Variants in CASKIN1 observed in about 807,000 individuals in gnomAD.
CASKIN1 encodes the protein CASK interacting protein 1, also known as caskin-1.
Under a neutral mutation model 117.5 loss-of-function variants are expected in CASKIN1, and 42 were observed. The ratio of observed to expected loss-of-function variants is 0.36; its 90% confidence interval spans 0.28 to 0.46. The LOEUF is 0.46. Ranked by LOEUF, CASKIN1 falls within the 20% of genes least tolerant of loss-of-function variation. The pLI, the probability that CASKIN1 is intolerant of heterozygous loss-of-function variation, is 1.00. For synonymous variants in CASKIN1, 1,148 were observed against 961.7 expected (o/e 1.19, Z -3.59); for missense variants, 2,083 against 2,077.3 (o/e 1.00, Z -0.05).
At chr16:2,188,640 C>T (rs1596692222) in intron 6 of CASKIN1, among the ~76,000 whole-genome samples, 1 of 152,182 alleles carries the variant, frequency 6.6e-6, no homozygotes. Context: ...TGTGAGCCGC[C>T]GGGGCACCCA....
chr16:2,196,460 C>A lies in CASKIN1; in HGVS notation c.-28G>T. ...CGCGGCCGGGGCCGCAGCGACGCGGCTGCGCTCGTGAGCTCGGCGCGGCTC... is the reference window on the plus strand; with the variant it reads ...CGCGGCCGGGGCCGCAGCGACGCGGATGCGCTCGTGAGCTCGGCGCGGCTC... On this transcript the variant is annotated 5_prime_UTR_variant, in exon 1 of 20. Transcript: ENST00000343516. This position sits in a 1 kb window ranked among gnomAD's most constrained non-coding sequence, Gnocchi z 5.7. 1.7e-6 allele frequency: 2 copies of A among 1,167,666 alleles called. No homozygotes were observed. The highest frequency in any genetic ancestry group is 5.3e-5 in the East Asian group (1 of 18,920). 72.3% of individuals were successfully genotyped at this position (1,167,666 alleles called of 1,614,324 possible). A position where few individuals can be genotyped will look rare whatever the true frequency, so the allele number is the denominator to read the frequency against.
Position 2,178,450 on chromosome 16 carries a change from G to C in CASKIN1, c.*100C>G. 1.1e-6 allele frequency: 1 copy of C among 937,608 alleles called. No individual in the cohort carries two copies. The highest frequency in any genetic ancestry group is 1.8e-5 in the African/African-American group (1 of 56,716). 58.1% of individuals were successfully genotyped at this position (937,608 alleles called of 1,614,324 possible). Reference sequence around the variant, plus strand: ...CGGAGTTGTGCTTCTGCAGGGCCCTGCCCGGCCGCTCGCGCCGCGCCCAGA... The same window carrying C: ...CGGAGTTGTGCTTCTGCAGGGCCCTCCCCGGCCGCTCGCGCCGCGCCCAGA... On this transcript the variant is annotated 3_prime_UTR_variant, in exon 20 of 20. Transcript: ENST00000343516.
intron 1 of CASKIN1, among the ~76,000 whole-genome samples, chr16:2,195,152 A>G (rs1025967978): frequency 1.6e-4 from 24 of 152,176 alleles, no homozygotes; most frequent in African/African-American, 5.8e-4. Flanking sequence ...ACCTGAAATC[A>G]GCTCGGGGCC....
intron 1 of CASKIN1, among the ~76,000 whole-genome samples, chr16:2,192,218 G>A (rs1263288858): frequency 3.9e-5 from 6 of 152,054 alleles, no homozygotes; most frequent in African/African-American, 1.5e-4. Context: ...AGGATCGCTT[G>A]AGCCCAGGAG....
chr16:2,180,767 AGG>A lies in CASKIN1; in HGVS notation c.2599_2600del (p.Pro867Ter). The A allele has an allele frequency of 7.0e-7, 1 of 1,433,554 alleles. No homozygotes were observed. The highest frequency in any genetic ancestry group is 9.1e-7 in the Non-Finnish European group (1 of 1,101,760). 88.8% of individuals were successfully genotyped at this position (1,433,554 alleles called of 1,614,324 possible). On this transcript the variant is annotated frameshift_variant, in exon 18 of 20. Transcript: ENST00000343516. LOFTEE classifies it high-confidence loss of function. ...GCCGCCCCGGCTCCGCGTCGGCCTC[AGG>A]GGGCAGGCACAGTGTGGGCACAGCC... ...PTAVPTLCLP[P>X]EADAEPGRPK... is the part of the protein sequence containing the mutation.
Position 2,181,554 on chromosome 16 carries a change from A to C in CASKIN1, c.1814T>G (p.Leu605Arg), listed in dbSNP as rs2093168182. ...LMLAVRKLAELQKAEYAKYEG... is the reference protein window; with the variant it reads ...LMLAVRKLAERQKAEYAKYEG... ...ATACTTGGCGTATTCAGCCTTCTGCAGCTCTGCCAGCTTCCTCACAGCGAG... is the reference window on the plus strand; with the variant it reads ...ATACTTGGCGTATTCAGCCTTCTGCCGCTCTGCCAGCTTCCTCACAGCGAG... Residue 605 changes from leucine (L) to arginine (R), a missense_variant, in exon 18 of 20, where the codon CTG becomes CGG. This residue lies in a region of CASKIN1 where 1,818 missense variants were observed against 1,688.9 expected (regional missense o/e 1.08). Coordinates refer to ENST00000343516, the MANE Select transcript of CASKIN1 (RefSeq NM_020764.4). The C allele has an allele frequency of 6.3e-7, 1 of 1,585,982 alleles. No individual in the cohort carries two copies. The highest frequency in any genetic ancestry group is 1.1e-5 in the South Asian group (1 of 88,090).
chr16:2,192,115 G>C (rs960149217), intron 1 of CASKIN1, among the ~76,000 whole-genome samples: 1 of 152,026 alleles, frequency 6.6e-6, no homozygotes, highest in Non-Finnish European at 1.5e-5. Flanking sequence ...AACATAGCAA[G>C]ACCTTGTCTC....
chr16:2,180,136 G>A lies in CASKIN1; in HGVS notation c.3232C>T (p.Arg1078Cys), dbSNP rs750361552. ...GPVTGLLATARRGPGESADPG... is the reference protein window; with the variant it reads ...GPVTGLLATACRGPGESADPG... Reference sequence around the variant, plus strand: ...TCTGCCGACTCCCCAGGCCCCCGGCGGGCAGTGGCCAGAAGTCCGGTGACT... The same window carrying A: ...TCTGCCGACTCCCCAGGCCCCCGGCAGGCAGTGGCCAGAAGTCCGGTGACT... The change falls in exon 18 of 20, where the codon CGC becomes TGC. Residue 1078 changes from arginine (R) to cysteine (C), a missense_variant. Around this residue, in one of 3 missense-constraint regions of CASKIN1, gnomAD observed 1,818 missense variants for 1,688.9 expected, o/e 1.08. Coordinates refer to ENST00000343516, the MANE Select transcript of CASKIN1 (RefSeq NM_020764.4). 28 of 1,555,016 alleles carry A rather than the reference G, an allele frequency of 1.8e-5. No homozygotes were observed. The East Asian group carries it at 3.2e-4, about 18-fold the overall frequency.
chr16:2,181,004 G>C lies in CASKIN1; in HGVS notation c.2364C>G (p.Pro788=). The change falls in exon 18 of 20, where the codon CCC becomes CCG. Residue 788 remains proline, a synonymous_variant. Coordinates refer to ENST00000343516, the MANE Select transcript of CASKIN1 (RefSeq NM_020764.4). ...QTPTKTRPGS[P]QALGGPHGPA... Reference sequence around the variant, plus strand: ...GACCATGAGGTCCCCCAAGGGCCTGGGGAGAGCCTGGTCGGGTTTTGGTGG... The same window carrying C: ...GACCATGAGGTCCCCCAAGGGCCTGCGGAGAGCCTGGTCGGGTTTTGGTGG... The C allele has an allele frequency of 1.3e-6, 2 of 1,486,168 alleles. No homozygotes were observed. The highest frequency in any genetic ancestry group is 1.8e-6 in the Non-Finnish European group (2 of 1,122,712). The allele number at this position is 1,486,168 out of a possible 1,614,324, so 92.1% of individuals were successfully genotyped here.
chr16:2,195,506 C>A (rs935285327), intron 1 of CASKIN1, among the ~76,000 whole-genome samples: 10 of 152,250 alleles, frequency 6.6e-5, no homozygotes, highest in Admixed American at 5.9e-4. Flanking sequence ...CCCATCCATC[C>A]ATCTCCGGCG....
In CASKIN1 at chr16:2,196,240, C is replaced by G. The variant is rs2093215621; in HGVS notation, c.94+99G>C. 1 of 363,510 alleles carries G rather than the reference C, an allele frequency of 2.8e-6. No homozygotes were observed. Among genetic ancestry groups the G allele is most frequent in the Non-Finnish European group, 4.3e-6 (1 of 233,314 alleles). 22.5% of individuals were successfully genotyped at this position (363,510 alleles called of 1,614,324 possible). ...CTGGCCCCGCCCCGCCCCCGGGGACCCGACAACGTCCCCTCCCCGCCCGGC... is the reference window on the plus strand; with the variant it reads ...CTGGCCCCGCCCCGCCCCCGGGGACGCGACAACGTCCCCTCCCCGCCCGGC... On this transcript the variant is annotated intron_variant, in intron 1 of 19. Transcript: ENST00000343516. This position sits in a 1 kb window ranked among gnomAD's most constrained non-coding sequence, Gnocchi z 5.7.
In CASKIN1 at chr16:2,181,109, C is replaced by T; in HGVS notation, c.2259G>A (p.Arg753=). 6.8e-7 allele frequency: 1 copy of T among 1,480,244 alleles called. No homozygotes were observed. The allele number at this position is 1,480,244 out of a possible 1,614,324, so 91.7% of individuals were successfully genotyped here. ...RPGRHGHSIK[R]ASVPPVPGKP... The stretch of plus-strand genomic sequence containing the variant: ...TGCCAGGCACGGGGGGCACGCTGGC[C>T]CTCTTGATGCTGTGGCCGTGGCGGC... Residue 753 remains arginine (R), a synonymous_variant, in exon 18 of 20, where the codon AGG becomes AGA. Transcript: ENST00000343516.
In CASKIN1 at chr16:2,184,958, G is replaced by A; in HGVS notation, c.1317C>T (p.Gly439=). 1.9e-6 allele frequency: 3 copies of A among 1,603,074 alleles called. No homozygotes were observed. The highest frequency in any genetic ancestry group is 2.6e-6 in the Non-Finnish European group (3 of 1,172,028). Residue 439 remains glycine, a synonymous_variant, in exon 13 of 20, where the codon GGC becomes GGT. Coordinates refer to ENST00000343516, the MANE Select transcript of CASKIN1 (RefSeq NM_020764.4). ...PGDSPAKPPE[G]SAGVARSQPP... The stretch of plus-strand genomic sequence containing the variant: ...CAGCACCCTTGCTCTTACCTGCAGA[G>A]CCTTCCGGAGGCTTGGCGGGGCTGT...
intron 6 of CASKIN1, among the ~76,000 whole-genome samples, chr16:2,188,353 ATTT>A (rs780638184): frequency 7.7e-6 from 1 of 129,600 alleles, no homozygotes. Flanking sequence ...CAACCAGCCG[ATTT>A]TTTTTTTTTT....
chr16:2,186,538 G>C (rs2093185150), intron 10 of CASKIN1, among the ~76,000 whole-genome samples, 169 bp downstream of exon 10: 1 of 152,172 alleles, frequency 6.6e-6, no homozygotes, highest in South Asian at 2.1e-4. Context: ...ATAGGTGTGG[G>C]AACGGACGAG....
At chr16:2,195,336 AGGGGGACTCTCTGGCTTACAGTCTGT>A (rs1225416080) in intron 1 of CASKIN1, among the ~76,000 whole-genome samples, 2 of 151,982 alleles carry the variant, frequency 1.3e-5, no homozygotes, top group African/African-American at 4.8e-5. Flanking sequence ...GAGGAAGGGG[AGGGGGACTCTCTGGCTTACAGTCTGT>A]GGGGGTGGAG....
rs1309747292 is a variant in CASKIN1 at position 2,179,304 on chromosome 16, G to A, written c.3797C>T (p.Thr1266Met). 4.9e-6 allele frequency: 6 copies of A among 1,232,190 alleles called. No homozygotes were observed. The highest frequency in any genetic ancestry group is 6.1e-6 in the Non-Finnish European group (6 of 988,782). The allele number at this position is 1,232,190 out of a possible 1,614,324, so 76.3% of individuals were successfully genotyped here. The change falls in exon 19 of 20, where the codon ACG (threonine) becomes ATG (methionine). Residue 1266 changes from threonine to methionine, a missense_variant. Around this residue, in one of 3 missense-constraint regions of CASKIN1, gnomAD observed 1,818 missense variants for 1,688.9 expected, o/e 1.08. Transcript: ENST00000343516. The surrounding 1 kb of genome is among the most constrained non-coding windows in gnomAD (Gnocchi z 5.8). ...CGGCTTGGGAGACACGGGCGGTGGC[G>A]TGCCGTGGGCGCGCTTCACCTCTGC... The part of the protein sequence containing the change: ...GSPEVKRAHG[T>M]PPPVSPKPPP...
intron 1 of CASKIN1, 89 bp from the exon 2 acceptor site, chr16:2,190,447 C>T (rs1199614482): frequency 2.8e-5 from 34 of 1,193,174 alleles, no homozygotes; most frequent in South Asian, 1.7e-4. Context: ...GCCATCTCCC[C>T]GGCAGGCACA....
chr16:2,178,215 C>A lies in CASKIN1; in HGVS notation c.*335G>T. On this transcript the variant is annotated 3_prime_UTR_variant, in exon 20 of 20. Transcript: ENST00000343516. ...CGCCCGAGCGGCTGGCCGGGCGTCC[C>A]GATGGGCAGTTCTGTGCTGGGCCCG... 1 of 436,744 alleles carries A rather than the reference C, an allele frequency of 2.3e-6. No homozygotes were observed. The highest frequency in any genetic ancestry group is 4.3e-6 in the Non-Finnish European group (1 of 233,628). 27.1% of individuals were successfully genotyped at this position (436,744 alleles called of 1,614,324 possible).
Sources: allele counts gnomAD v4.1 joint callset (sites outside exome capture counted in the v4.1 genomes callset), GRCh38; gene constraint gnomAD v4.1.1; regional missense constraint gnomAD v4.1.1; non-coding constraint Gnocchi (gnomAD v3.1); transcripts MANE v1.5; gene names NCBI Gene and HGNC (gene_info 2026-07-23, HGNC 2026-07-21).